Variants in RGS7 observed in about 807,000 individuals in gnomAD.
RGS7 encodes regulator of G protein signaling 7.
Under a neutral mutation model 81.1 loss-of-function variants are expected in RGS7, and 27 were observed. That is an observed-to-expected ratio of 0.33 (90% CI 0.25 to 0.46). The LOEUF is 0.46. RGS7 is among the 20% of genes least tolerant of loss of function. The pLI, the probability that RGS7 is intolerant of heterozygous loss-of-function variation, is 1.00. For synonymous variants in RGS7, 208 were observed against 207.7 expected, an observed-to-expected ratio of 1.00 and a Z score of -0.01; for missense variants, 396 against 607.4, an observed-to-expected ratio of 0.65 and a Z score of 3.66.
chr1:241,046,908 A>G (rs556814034), intron 3 of RGS7, among the ~76,000 whole-genome samples: 1 of 152,180 alleles, frequency 6.6e-6, no homozygotes. Flanking sequence ...GTTACGTTCT[A>G]CTGCCCATAG....
intron 3 of RGS7, among the ~76,000 whole-genome samples, chr1:241,029,440 G>A (rs1053683568): frequency 3.9e-5 from 6 of 152,128 alleles, no homozygotes; most frequent in Non-Finnish European, 5.9e-5. Flanking sequence ...GATGAATTTG[G>A]TGACAAGTCA....
At chr1:240,789,675 A>C (rs1221291034) in intron 18 of RGS7, among the ~76,000 whole-genome samples, 1 of 152,162 alleles carries the variant, frequency 6.6e-6, no homozygotes, top group Non-Finnish European at 1.5e-5. Flanking sequence ...ATTACTGCCT[A>C]ATAAATTTTG....
At chr1:241,120,664 CA>C (rs2066187988) in intron 2 of RGS7, among the ~76,000 whole-genome samples, 2 of 152,006 alleles carry the variant, frequency 1.3e-5, no homozygotes, top group Non-Finnish European at 2.9e-5. Context: ...GAAATTCTTA[CA>C]GGGGGAAATT....
In RGS7 at chr1:241,053,985, C is replaced by T. The variant is rs189770329; in HGVS notation, c.175+44681G>A. The stretch of plus-strand genomic sequence containing the variant: ...TTTATAAATTATCCAGTCTCGGGTA[C>T]GTCTTTATCAGCAGTGTAAGAATGC... On this transcript the variant is annotated intron_variant, in intron 3 of 18. Transcript: ENST00000440928. Among the ~76,000 whole-genome samples the T allele has an allele frequency of 1.5e-4, 23 of 152,262 alleles. No individual in the cohort carries two copies. The East Asian group carries it at 2.1e-3, about 14-fold the overall frequency.
intron 3 of RGS7, among the ~76,000 whole-genome samples, chr1:240,993,161 A>G (rs1170937907): frequency 4.7e-5 from 7 of 148,230 alleles, no homozygotes; most frequent in African/African-American, 1.2e-4. Flanking sequence ...AGGAGGAAGG[A>G]AGGGAGGGAA....
Position 241,050,207 on chromosome 1 carries a change from T to C in RGS7, c.175+48459A>G, listed in dbSNP as rs374403420. On this transcript the variant is annotated intron_variant, in intron 3 of 18. Coordinates refer to ENST00000440928, the MANE Select transcript of RGS7 (RefSeq NM_001364886.1). ...TTCCCCAGGTTTTTTATCCTGAAGATAGATGGCACAGCCAGTATGTGTAGA... is the reference window on the plus strand; with the variant it reads ...TTCCCCAGGTTTTTTATCCTGAAGACAGATGGCACAGCCAGTATGTGTAGA... Among the ~76,000 whole-genome samples, 4 of 152,202 alleles carry C rather than the reference T, an allele frequency of 2.6e-5. No homozygotes were observed. In the East Asian group the frequency reaches 5.8e-4, roughly 22 times the overall value.
intron 2 of RGS7, among the ~76,000 whole-genome samples, chr1:241,295,957 A>C (rs2079397381): frequency 6.6e-6 from 1 of 152,244 alleles, no homozygotes; most frequent in Admixed American, 6.5e-5. Flanking sequence ...GATGAATCAG[A>C]GATCAATATT....
intron 2 of RGS7, among the ~76,000 whole-genome samples, chr1:241,194,378 G>T (rs1389685412): frequency 1.3e-5 from 2 of 152,094 alleles, no homozygotes; most frequent in Non-Finnish European, 2.9e-5. Context: ...ATAGACTCTT[G>T]GACTTGAATT....
At chr1:241,043,441 T>A (rs1215589164) in intron 3 of RGS7, among the ~76,000 whole-genome samples, 1 of 150,798 alleles carries the variant, frequency 6.6e-6, no homozygotes, top group African/African-American at 2.4e-5. Flanking sequence ...TTCGTTGTTG[T>A]GTTCTTATTT....
chr1:241,219,049 T>C (rs2074740111), intron 2 of RGS7, among the ~76,000 whole-genome samples: 1 of 152,142 alleles, frequency 6.6e-6, no homozygotes, highest in Admixed American at 6.5e-5. Context: ...TCACCCACTG[T>C]CAGGAGCTAC....
intron 2 of RGS7, among the ~76,000 whole-genome samples, chr1:241,106,752 C>CCACCACACACACACACACACACA (rs1553421291): frequency 8.2e-6 from 1 of 121,684 alleles, no homozygotes; most frequent in African/African-American, 3.3e-5. Flanking sequence ...AACACCACCA[C>CCACCACACACACACACACACACA]CACACACACA....
At chr1:240,791,720 A>G (rs1686041991) in intron 18 of RGS7, among the ~76,000 whole-genome samples, 1 of 152,246 alleles carries the variant, frequency 6.6e-6, no homozygotes, top group African/African-American at 2.4e-5. Flanking sequence ...GTGGCCTCAC[A>G]ACTAGAAATA....
chr1:241,068,224 T>TTGTGTGTGTGTGTGTGTGTGTGTG (rs71568983), intron 3 of RGS7, among the ~76,000 whole-genome samples: 922 of 55,636 alleles, frequency 0.017, 159 homozygotes, highest in Middle Eastern at 0.037. Context: ...TATCCATAAA[T>TTGTGTGTGTGTGTGTGTGTGTGTG]TGTGTGTGTG....
At chr1:241,288,282 G>T (rs2078924287) in intron 2 of RGS7, among the ~76,000 whole-genome samples, 1 of 152,196 alleles carries the variant, frequency 6.6e-6, no homozygotes, top group Non-Finnish European at 1.5e-5. Context: ...GTGAGGTAAA[G>T]CAAGTTGCCT....
At chr1:240,945,699 T>C (rs766702900) in intron 4 of RGS7, among the ~76,000 whole-genome samples, 2 of 152,224 alleles carry the variant, frequency 1.3e-5, no homozygotes, top group Non-Finnish European at 2.9e-5. Context: ...TGCACTTTTA[T>C]CTGTATTTTG....
At chr1:240,982,149 G>A (rs1231147293) in intron 4 of RGS7, among the ~76,000 whole-genome samples, 1 of 148,990 alleles carries the variant, frequency 6.7e-6, no homozygotes, top group Non-Finnish European at 1.5e-5. Flanking sequence ...AGCTGGGCAT[G>A]GTGGCTCACA....
chr1:240,947,767 A>T (rs1333089356), intron 4 of RGS7, among the ~76,000 whole-genome samples: 1 of 152,206 alleles, frequency 6.6e-6, no homozygotes, highest in Non-Finnish European at 1.5e-5. Flanking sequence ...GCAAGCCCTC[A>T]ACAATTTCCC....
At chr1:241,051,679 C>T (rs75327275) in intron 3 of RGS7, among the ~76,000 whole-genome samples, 4,957 of 151,632 alleles carry the variant, frequency 0.033, 81 homozygotes, top group Middle Eastern at 0.048. Flanking sequence ...AGTACAAAAA[C>T]TAAATAGATT....
chr1:241,021,953 G>C (rs2059558262), intron 3 of RGS7, among the ~76,000 whole-genome samples: 1 of 152,134 alleles, frequency 6.6e-6, no homozygotes, highest in South Asian at 2.1e-4. Flanking sequence ...AGGATGGTAA[G>C]AATGATAAAG....
Sources: gnomAD v4.1 joint callset for allele counts (sites outside exome capture counted in the v4.1 genomes callset) on GRCh38, gnomAD v4.1.1 for gene constraint, MANE v1.5 for transcripts, NCBI Gene and HGNC (gene_info 2026-07-23, HGNC 2026-07-21) for gene names.